RGS6: variants seen among roughly 807,000 people sequenced by gnomAD.
RGS6 encodes regulator of G protein signaling 6.
RGS6 carries 30 observed loss-of-function variants against 78.5 expected under a neutral mutation model. The observed-to-expected ratio is 0.38, with a 90% confidence interval of 0.29 to 0.52. RGS6 has a LOEUF of 0.52. RGS6 is among the 20% of genes least tolerant of loss of function. RGS6 has a pLI of 0.85. For synonymous variants in RGS6, 206 were observed against 206.0 expected (o/e 1.00, Z 0.00); for missense variants, 495 against 609.7 (o/e 0.81, Z 1.98).
chr14:72,108,766 A>C (rs1037697053), intron 2 of RGS6, among the ~76,000 whole-genome samples: 4 of 151,982 alleles, frequency 2.6e-5, no homozygotes, highest in African/African-American at 7.2e-5. Context: ...AACTTTTTCT[A>C]GTTCCAATTT....
intron 2 of RGS6, among the ~76,000 whole-genome samples, chr14:72,129,890 A>G (rs1423419075): frequency 6.6e-6 from 1 of 152,138 alleles, no homozygotes; most frequent in Non-Finnish European, 1.5e-5. Flanking sequence ...TCCCATCGAT[A>G]ACTGGTATCA....
chr14:72,127,900 C>T (rs960766555), intron 2 of RGS6, among the ~76,000 whole-genome samples: 1 of 151,922 alleles, frequency 6.6e-6, no homozygotes, highest in Middle Eastern at 3.2e-3. Context: ...TTAAAGAATG[C>T]CACATAAATG....
At chr14:72,137,639 AT>A (rs2096465885) in intron 2 of RGS6, among the ~76,000 whole-genome samples, 1 of 152,176 alleles carries the variant, frequency 6.6e-6, no homozygotes, top group Non-Finnish European at 1.5e-5. Context: ...ATCACAAAGG[AT>A]TTTTTAAAGA....
At position 72,506,507 on chromosome 14, in the gene RGS6, T is replaced by C. The variant is rs186887430; in HGVS notation, c.966-3647T>C. On this transcript the variant is annotated intron_variant, in intron 13 of 17. Transcript: ENST00000553525. ...ACATGTTCAAGTCTTTTCTTAAACC[T>C]TGAAGTGGATGATATTGGGAATACT... Among the ~76,000 whole-genome samples, 310 of 152,308 alleles carry C rather than the reference T, an allele frequency of 2.0e-3. 3 individuals carry two copies. Among genetic ancestry groups the C allele is most frequent in the Non-Finnish European group, 2.8e-3 (193 of 68,028 alleles).
chr14:72,107,348 G>A (rs1292517798), intron 2 of RGS6, among the ~76,000 whole-genome samples: 2 of 152,078 alleles, frequency 1.3e-5, no homozygotes, highest in Non-Finnish European at 2.9e-5. Context: ...TGGCCAGTGG[G>A]AGCCTCTTCA....
Position 72,465,816 on chromosome 14 carries a change from T to C in RGS6, c.453T>C (p.Tyr151=). 6.2e-7 allele frequency: 1 copy of C among 1,612,062 alleles called. No individual in the cohort carries two copies. Residue 151 remains tyrosine, a synonymous_variant, in exon 7 of 18, where the codon TAT becomes TAC. Coordinates refer to ENST00000553525, the MANE Select transcript of RGS6 (RefSeq NM_001204424.2). ...QNKARLELAD[Y]EAENLARLQR... ...AAGCAAGGCTGGAACTGGCAGATTA[T>C]GAAGCAGTAAGTATGATTATTTTCC...
At chr14:72,499,171 A>G (rs1020647103) in intron 13 of RGS6, among the ~76,000 whole-genome samples, 1 of 152,164 alleles carries the variant, frequency 6.6e-6, no homozygotes, top group Non-Finnish European at 1.5e-5. Context: ...TCTTAGGGGA[A>G]CCCACTTGGA....
intron 2 of RGS6, among the ~76,000 whole-genome samples, chr14:72,325,090 A>AT (rs2073342150): frequency 6.6e-6 from 1 of 152,098 alleles, no homozygotes; most frequent in African/African-American, 2.4e-5. Context: ...TTTGATTTGC[A>AT]TTTCTCTGAT....
At chr14:72,068,949 A>G (rs2094296245) in intron 2 of RGS6, among the ~76,000 whole-genome samples, 1 of 151,318 alleles carries the variant, frequency 6.6e-6, no homozygotes, top group African/African-American at 2.4e-5. Flanking sequence ...CTTTCTGTTT[A>G]TTCTACTTTT....
At chr14:72,271,794 C>G (rs2059979621) in intron 2 of RGS6, among the ~76,000 whole-genome samples, 2 of 152,156 alleles carry the variant, frequency 1.3e-5, no homozygotes, top group African/African-American at 2.4e-5. Context: ...TTTCTGGAGG[C>G]TCTAGGGGAG....
rs1484292002 is a variant in RGS6, at chr14:72,257,116, T to G, written c.85-94979T>G. 2.0e-5 allele frequency among the ~76,000 whole-genome samples: 3 copies of G among 152,224 alleles called. No individual in the cohort carries two copies. The East Asian group carries it at 5.8e-4, about 29-fold the overall frequency. On this transcript the variant is annotated intron_variant, in intron 2 of 17. Transcript: ENST00000553525. ...AAGGAGCCACTGTGTTTTTGATTTGTTCTAGGGATTTAATATCCCTCATAG... is the reference window on the plus strand; with the variant it reads ...AAGGAGCCACTGTGTTTTTGATTTGGTCTAGGGATTTAATATCCCTCATAG...
At chr14:72,558,206 G>T (rs946874754) in intron 17 of RGS6, among the ~76,000 whole-genome samples, 5 of 152,052 alleles carry the variant, frequency 3.3e-5, no homozygotes, top group African/African-American at 9.7e-5. Flanking sequence ...TTTTGATTTG[G>T]CAGACTTGAG....
At chr14:72,267,939 A>G (rs528492500) in intron 2 of RGS6, among the ~76,000 whole-genome samples, 1 of 152,352 alleles carries the variant, frequency 6.6e-6, no homozygotes, top group South Asian at 2.1e-4. Flanking sequence ...ACAGGGAATG[A>G]CACATACCTA....
chr14:71,992,538 A>G (rs2095006182), intron 2 of RGS6, among the ~76,000 whole-genome samples: 1 of 152,178 alleles, frequency 6.6e-6, no homozygotes, highest in Admixed American at 6.5e-5. Flanking sequence ...AGATGAGGGA[A>G]CTCGGATAAA....
rs2097316458 is a variant in RGS6, at chr14:72,540,885, G to A, written c.1422+791G>A. 13 of 985,286 alleles carry A rather than the reference G, an allele frequency of 1.3e-5. 1 individual carries two copies. In the South Asian group the frequency reaches 6.1e-4, roughly 46 times the overall value. 61.0% of individuals were successfully genotyped at this position (985,286 alleles called of 1,614,324 possible). A position where few individuals can be genotyped will look rare whatever the true frequency, so the allele number is the denominator to read the frequency against. ...AGAGCTCCCCACAGTGGCACATAAA[G>A]ACAGCCGTGGCAACAGGTGGGAGTG... On this transcript the variant is annotated intron_variant, in intron 17 of 17. Coordinates refer to ENST00000553525, the MANE Select transcript of RGS6 (RefSeq NM_001204424.2).
intron 3 of RGS6, among the ~76,000 whole-genome samples, chr14:72,374,894 A>G (rs1002511414): frequency 1.3e-5 from 2 of 152,232 alleles, no homozygotes; most frequent in African/African-American, 4.8e-5. Flanking sequence ...AGGATTAAGG[A>G]TTCTCAAAAA....
intron 2 of RGS6, among the ~76,000 whole-genome samples, chr14:72,002,164 C>G (rs979857570): frequency 3.9e-5 from 6 of 152,050 alleles, no homozygotes; most frequent in African/African-American, 1.4e-4. Flanking sequence ...GCTGGGATTA[C>G]AGACGTGAGC....
intron 2 of RGS6, among the ~76,000 whole-genome samples, chr14:72,310,651 T>C (rs2068376332): frequency 1.3e-5 from 2 of 152,224 alleles, no homozygotes; most frequent in South Asian, 4.1e-4. Context: ...AAGCAGAGGC[T>C]CTGCTTGTGG....
At chr14:72,358,371 C>A (rs927984318) in intron 3 of RGS6, among the ~76,000 whole-genome samples, 6 of 152,216 alleles carry the variant, frequency 3.9e-5, no homozygotes, top group African/African-American at 1.2e-4. Flanking sequence ...TTGCACTGTG[C>A]AACTGGAAAA....
Sources: allele counts gnomAD v4.1 joint callset (sites outside exome capture counted in the v4.1 genomes callset), GRCh38; gene constraint gnomAD v4.1.1; transcripts MANE v1.5; gene names NCBI Gene and HGNC (gene_info 2026-07-23, HGNC 2026-07-21).